Variants in SGSM1 observed in about 807,000 individuals in gnomAD.
The protein encoded by SGSM1 is small G protein signaling modulator 1, also known as RUN and TBC1 domain containing 2.
A neutral mutation model predicts 133.8 loss-of-function variants in SGSM1; 73 were observed. The ratio of observed to expected loss-of-function variants is 0.55; its 90% confidence interval spans 0.45 to 0.66. The LOEUF is 0.66. Ranked by LOEUF, SGSM1 falls within the 30% of genes least tolerant of loss-of-function variation. SGSM1 has a pLI of 0.00. For missense variants in SGSM1, 1,213 were observed against 1,448.1 expected, an observed-to-expected ratio of 0.84 and a Z score of 2.64; for synonymous variants, 563 against 573.0, an observed-to-expected ratio of 0.98 and a Z score of 0.25.
chr22:24,814,820 T>G (rs1927971081), intron 2 of SGSM1, among the ~76,000 whole-genome samples: 1 of 152,172 alleles, frequency 6.6e-6, no homozygotes, highest in Non-Finnish European at 1.5e-5. Flanking sequence ...TCAGAAGAGA[T>G]ATTTCTTGAG....
In SGSM1 at chr22:24,855,422, G is replaced by A; in HGVS notation, c.661G>A (p.Ala221Thr). ...VRQDSPTKRP[A>T]LCIQKRHSSG... is the part of the protein sequence containing the mutation. ...GCAGGACTCGCCCACCAAGCGTCCT[G>A]CCCTCTGTGTGAGTGGGGTGGACAG... The change falls in exon 7 of 25, where the codon GCC becomes ACC. Residue 221 changes from alanine to threonine, a missense_variant. Ala to Thr is a moderately conservative substitution (Grantham distance 58, BLOSUM62 0). Transcript: ENST00000400358. 6.2e-7 allele frequency: 1 copy of A among 1,613,436 alleles called. No individual in the cohort carries two copies. The highest frequency in any genetic ancestry group is 1.6e-4 in the Middle Eastern group (1 of 6,062).
chr22:24,828,794 A>G (rs1054793812), intron 2 of SGSM1, among the ~76,000 whole-genome samples: 3 of 152,236 alleles, frequency 2.0e-5, no homozygotes, highest in Admixed American at 1.3e-4. Flanking sequence ...CTGCAGTACT[A>G]TTCACAATAG....
chr22:24,924,123 G>A (rs868463389), intron 24 of SGSM1, 63 bp from the exon 25 acceptor site: 2 of 1,515,482 alleles, frequency 1.3e-6, no homozygotes, highest in Non-Finnish European at 1.8e-6. Flanking sequence ...CCAGGGGCTG[G>A]AATTGTACCC....
In SGSM1 at chr22:24,912,720, A is replaced by G. The variant is rs1384666810; in HGVS notation, c.2896A>G (p.Thr966Ala). The G allele has an allele frequency of 6.2e-7, 1 of 1,613,610 alleles. No individual in the cohort carries two copies. Among genetic ancestry groups the G allele is most frequent in the Non-Finnish European group, 8.5e-7 (1 of 1,179,824 alleles). ...QNFPHGGAMD[T>A]HFANMRSLIQ... The stretch of plus-strand genomic sequence containing the variant: ...CTTCCCCCACGGAGGCGCCATGGAC[A>G]CGCACTTTGCAAACATGAGATCGTT... Residue 966 changes from threonine (T) to alanine (A), a missense_variant, in exon 22 of 25, where the codon ACG becomes GCG. Coordinates refer to ENST00000400358, the MANE Select transcript of SGSM1 (RefSeq NM_001098497.3).
chr22:24,813,941 A>G (rs1471302492), intron 2 of SGSM1: 1 of 152,232 alleles, frequency 6.6e-6, no homozygotes, highest in Non-Finnish European at 1.5e-5. Flanking sequence ...AGAGCCCAGG[A>G]TGGGAGGTGA....
chr22:24,820,809 A>T (rs1459482891), intron 2 of SGSM1, among the ~76,000 whole-genome samples: 2 of 152,234 alleles, frequency 1.3e-5, no homozygotes, highest in Non-Finnish European at 2.9e-5. Flanking sequence ...CAGTGAGCAC[A>T]ACAGGTGAGA....
intron 2 of SGSM1, among the ~76,000 whole-genome samples, chr22:24,807,318 T>C (rs1927464754): frequency 6.7e-6 from 1 of 149,412 alleles, no homozygotes; most frequent in Non-Finnish European, 1.5e-5. Flanking sequence ...CGTATGAGAA[T>C]GTCTGTGCAT....
chr22:24,830,522 AC>A (rs1929056548), intron 2 of SGSM1, among the ~76,000 whole-genome samples: 1 of 152,176 alleles, frequency 6.6e-6, no homozygotes, highest in African/African-American at 2.4e-5. Flanking sequence ...GCTCCCCCAA[AC>A]CCAGTACGTT....
chr22:24,881,349 G>A (rs1306826457), intron 14 of SGSM1, among the ~76,000 whole-genome samples: 13 of 146,652 alleles, frequency 8.9e-5, no homozygotes, highest in East Asian at 4.1e-4. Flanking sequence ...GGCGGATCAC[G>A]AGGTCAGGAG....
intron 2 of SGSM1, among the ~76,000 whole-genome samples, chr22:24,809,053 C>G (rs1224447764): frequency 6.6e-6 from 1 of 152,186 alleles, no homozygotes; most frequent in East Asian, 1.9e-4. Context: ...GGCACAGAAC[C>G]AGTGTGAGGG....
intron 4 of SGSM1, among the ~76,000 whole-genome samples, chr22:24,848,520 T>G (rs1184735901): frequency 6.6e-6 from 1 of 152,130 alleles, no homozygotes; most frequent in African/African-American, 2.4e-5. Context: ...GGGAGGCTCA[T>G]GGACAGAATG....
At chr22:24,872,612 T>A (rs1164275283) in intron 12 of SGSM1, among the ~76,000 whole-genome samples, 1 of 152,224 alleles carries the variant, frequency 6.6e-6, no homozygotes, top group Non-Finnish European at 1.5e-5. Flanking sequence ...AACCTTTTAA[T>A]GTGGCTACAA....
chr22:24,899,279 T>C lies in SGSM1; in HGVS notation c.2610+720T>C, dbSNP rs1933035025. On this transcript the variant is annotated intron_variant, in intron 19 of 24. Transcript: ENST00000400358. ...TCTTTGCCACTTTCCTAAATCTCTT[T>C]TCAAACATTTAGACATATCATGTTT... Among the ~76,000 whole-genome samples the C allele has an allele frequency of 2.0e-5, 3 of 152,070 alleles. No homozygotes were observed. The South Asian group carries it at 6.2e-4, about 32-fold the overall frequency.
chr22:24,826,100 C>G (rs1225749172), intron 2 of SGSM1, among the ~76,000 whole-genome samples: 1 of 152,178 alleles, frequency 6.6e-6, no homozygotes, highest in Non-Finnish European at 1.5e-5. Flanking sequence ...GCAAAAGATA[C>G]TATGAGATAG....
intron 16 of SGSM1, among the ~76,000 whole-genome samples, chr22:24,888,273 T>C (rs1181055543): frequency 6.6e-6 from 1 of 152,252 alleles, no homozygotes; most frequent in Non-Finnish European, 1.5e-5. Context: ...TGCCTAGCCC[T>C]AGGTCCTGAA....
intron 2 of SGSM1, among the ~76,000 whole-genome samples, chr22:24,820,166 C>T (rs1211830277): frequency 6.6e-6 from 1 of 152,136 alleles, no homozygotes; most frequent in African/African-American, 2.4e-5. Flanking sequence ...TCCATCCTCT[C>T]CTGTGCATGG....
At chr22:24,893,133 C>G (rs1932843301) in intron 16 of SGSM1, among the ~76,000 whole-genome samples, 1 of 152,048 alleles carries the variant, frequency 6.6e-6, no homozygotes, top group South Asian at 2.1e-4. Flanking sequence ...TTTGTATCCC[C>G]AGGGCCTATG....
At chr22:24,845,532 G>T (rs1300669170) in intron 3 of SGSM1, among the ~76,000 whole-genome samples, 2 of 152,194 alleles carry the variant, frequency 1.3e-5, no homozygotes, top group African/African-American at 2.4e-5. Flanking sequence ...TGTCTCTGAG[G>T]TCAGGATAAT....
intron 10 of SGSM1, 112 bp downstream of exon 10, chr22:24,867,272 T>C: frequency 9.9e-7 from 1 of 1,008,754 alleles, no homozygotes; most frequent in South Asian, 1.4e-5. Flanking sequence ...GGACACCCCA[T>C]GTTACCTGTG....
Sources: gnomAD v4.1 joint callset for allele counts (sites outside exome capture counted in the v4.1 genomes callset) on GRCh38, gnomAD v4.1.1 for gene constraint, MANE v1.5 for transcripts, NCBI Gene and HGNC (gene_info 2026-07-23, HGNC 2026-07-21) for gene names.